Variants in DDX60L observed in about 807,000 individuals in gnomAD.
DDX60L encodes probable ATP-dependent RNA helicase DDX60-like.
A neutral mutation model predicts 211.6 loss-of-function variants in DDX60L; 191 were observed. The observed-to-expected ratio is 0.90, with a 90% CI of 0.80 to 1.02. The LOEUF is 1.02. Among genes scored for constraint, DDX60L ranks in the 50% least tolerant of loss-of-function variants. DDX60L has a pLI of 0.00. For missense variants in DDX60L, 2,007 were observed against 1,984.1 expected, an observed-to-expected ratio of 1.01 and a Z score of -0.22; for synonymous variants, 706 against 694.1, an observed-to-expected ratio of 1.02 and a Z score of -0.27.
intron 9 of DDX60L, among the ~76,000 whole-genome samples, chr4:168,442,287 T>A (rs1242925451): frequency 6.6e-6 from 1 of 152,146 alleles, no homozygotes; most frequent in Non-Finnish European, 1.5e-5. Context: ...AATACTGCAC[T>A]TTTGCGACGG....
rs368119099 is a variant in DDX60L at position 168,371,749 on chromosome 4, T to C, written c.4791A>G (p.Thr1597=). ...PETINQVILR[T]VGVSGTQAPL... is the part of the protein sequence containing the mutation. ...GAGCCTGAGTGCCACTAACACCGAC[T>C]GTGCGCAGGATGACCTGAAGAAAGA... Residue 1597 remains threonine, a synonymous_variant, in exon 36 of 38, where the codon ACA becomes ACG. Transcript: ENST00000682922. 1.5e-5 allele frequency: 24 copies of C among 1,603,548 alleles called. No homozygotes were observed. The highest frequency in any genetic ancestry group is 2.0e-5 in the Non-Finnish European group (23 of 1,172,648).
rs1417727962 is a variant in DDX60L, at chr4:168,457,273, C to T, written c.723+619G>A. ...TATATAAACTACATACACACACACA[C>T]ACACACACACACACACACATACACA... On this transcript the variant is annotated intron_variant, in intron 6 of 37. Transcript: ENST00000682922. 1.1e-4 allele frequency among the ~76,000 whole-genome samples: 17 copies of T among 151,054 alleles called. No individual in the cohort carries two copies. The South Asian group carries it at 1.3e-3, about 11-fold the overall frequency.
chr4:168,404,131 T>TTAA, intron 24 of DDX60L, 25 bp from the exon 25 acceptor site: 1 of 1,034,488 alleles, frequency 9.7e-7, no homozygotes, highest in Non-Finnish European at 1.3e-6. Context: ...AAAAATTATT[T>TTAA]AAAAAAAAAA....
intron 30 of DDX60L, among the ~76,000 whole-genome samples, chr4:168,383,502 A>G (rs1743319619): frequency 1.3e-5 from 2 of 152,246 alleles, no homozygotes. Context: ...ACAGTTTTAC[A>G]GAAATAACAT....
intron 29 of DDX60L, among the ~76,000 whole-genome samples, chr4:168,389,594 G>A (rs1240112321): frequency 6.6e-6 from 1 of 152,158 alleles, no homozygotes. Context: ...GCTGGACAAA[G>A]TCACTGAAGT....
chr4:168,402,261 A>G (rs552465562), intron 25 of DDX60L, among the ~76,000 whole-genome samples: 1 of 152,140 alleles, frequency 6.6e-6, no homozygotes, highest in East Asian at 1.9e-4. Context: ...GTTCACAGTA[A>G]TAGAAGTTAA....
Position 168,422,580 on chromosome 4 carries a change from C to T in DDX60L, c.2188G>A (p.Asp730Asn). The change falls in exon 16 of 38, where the codon GAT (aspartate) becomes AAT (asparagine). Residue 730 changes from aspartate (D) to asparagine (N), a missense_variant. Coordinates refer to ENST00000682922, the MANE Select transcript of DDX60L (RefSeq NM_001012967.3). ...LQYMGHYLIR[D>N]ERKDRDPRVQ... ...CTGGGATCCCGATCTTTTCTTTCAT[C>T]TCTTATCAAGTAATGGCCCATGTAT... The T allele has an allele frequency of 2.5e-6, 4 of 1,613,494 alleles. No individual in the cohort carries two copies. In the South Asian group the frequency reaches 4.4e-5, roughly 18 times the overall value.
chr4:168,409,458 G>A (rs1748307818), intron 22 of DDX60L, among the ~76,000 whole-genome samples: 1 of 152,180 alleles, frequency 6.6e-6, no homozygotes, highest in African/African-American at 2.4e-5. Flanking sequence ...AAAACTTGCT[G>A]AAAATTCAAT....
chr4:168,463,552 T>C (rs1181600610), intron 4 of DDX60L, among the ~76,000 whole-genome samples: 1 of 152,078 alleles, frequency 6.6e-6, no homozygotes, highest in Non-Finnish European at 1.5e-5. Flanking sequence ...AAGACAAGCT[T>C]ACCTACATAA....
At chr4:168,406,887 A>G (rs891902627) in intron 22 of DDX60L, among the ~76,000 whole-genome samples, 181 bp from the exon 23 acceptor site, 1 of 152,218 alleles carries the variant, frequency 6.6e-6, no homozygotes, top group Non-Finnish European at 1.5e-5. Flanking sequence ...TTAACAAAGT[A>G]GCATCCCTAA....
chr4:168,472,431 T>C, intron 3 of DDX60L, 24 bp downstream of exon 3: 1 of 1,511,716 alleles, frequency 6.6e-7, no homozygotes, highest in East Asian at 2.4e-5. Flanking sequence ...TATAGCTCCT[T>C]CTTTTTTACT....
At chr4:168,400,777 T>C in intron 26 of DDX60L, 49 bp downstream of exon 26, 1 of 1,481,442 alleles carries the variant, frequency 6.8e-7, no homozygotes, top group Non-Finnish European at 9.2e-7. Context: ...GTCTTGTAAA[T>C]ATTTTAGTCT....
At chr4:168,391,859 T>C (rs1207590105) in intron 28 of DDX60L, among the ~76,000 whole-genome samples, 4 of 152,170 alleles carry the variant, frequency 2.6e-5, no homozygotes, top group Non-Finnish European at 5.9e-5. Flanking sequence ...TTGCTCACCC[T>C]AAAATCATTT....
At chr4:168,400,508 A>G (rs1360942246) in intron 26 of DDX60L, among the ~76,000 whole-genome samples, 1 of 152,172 alleles carries the variant, frequency 6.6e-6, no homozygotes, top group Non-Finnish European at 1.5e-5. Flanking sequence ...TCTACAGACC[A>G]GGAAACCTCC....
chr4:168,431,098 C>T (rs1048531675), intron 12 of DDX60L, among the ~76,000 whole-genome samples: 5 of 152,072 alleles, frequency 3.3e-5, no homozygotes, highest in Non-Finnish European at 5.9e-5. Context: ...TTGTTGACTC[C>T]GGACCTAAAA....
chr4:168,459,569 T>C (rs112565782), intron 5 of DDX60L, among the ~76,000 whole-genome samples: 10,674 of 152,026 alleles, frequency 0.07, 1,213 homozygotes, highest in African/African-American at 0.24. Flanking sequence ...CTGGGCAACA[T>C]GGTGAAACCC....
At chr4:168,448,214 C>A (rs992096023) in intron 9 of DDX60L, among the ~76,000 whole-genome samples, 2 of 152,046 alleles carry the variant, frequency 1.3e-5, no homozygotes, top group African/African-American at 4.8e-5. Flanking sequence ...TTTTATTATT[C>A]TCTGACTATG....
rs1385190288 is a variant in DDX60L at position 168,470,547 on chromosome 4, T to C, written c.264+1200A>G. ...AATATTATGTTGAATGAAAGGTTTATACAAAGAGTTCATACTGTAAAATTC... is the reference window on the plus strand; with the variant it reads ...AATATTATGTTGAATGAAAGGTTTACACAAAGAGTTCATACTGTAAAATTC... On this transcript the variant is annotated intron_variant, in intron 4 of 37. Coordinates refer to ENST00000682922, the MANE Select transcript of DDX60L (RefSeq NM_001012967.3). The C allele has an allele frequency of 3.3e-5, 5 of 152,254 alleles. 1 individual carries two copies. In the South Asian group the frequency reaches 6.2e-4, roughly 19 times the overall value. The allele number at this position is 152,254 out of a possible 1,614,324, so 9.4% of individuals were successfully genotyped here. A position where few individuals can be genotyped will look rare whatever the true frequency, so the allele number is the denominator to read the frequency against.
chr4:168,363,069 C>G (rs973591826), intron 36 of DDX60L, among the ~76,000 whole-genome samples: 3 of 152,134 alleles, frequency 2.0e-5, no homozygotes, highest in South Asian at 4.1e-4. Flanking sequence ...AGAAAAGCAT[C>G]AAGTCACACA....
Sources: gnomAD v4.1 joint callset for allele counts (sites outside exome capture counted in the v4.1 genomes callset) on GRCh38, gnomAD v4.1.1 for gene constraint, MANE v1.5 for transcripts, NCBI Gene and HGNC (gene_info 2026-07-23, HGNC 2026-07-21) for gene names.